CCNY: variants seen among roughly 807,000 people sequenced by gnomAD.
The protein encoded by CCNY is cyclin-Y.
Under a neutral mutation model 42.8 loss-of-function variants are expected in CCNY, and 19 were observed. That is an observed-to-expected ratio of 0.44 (90% confidence interval 0.31 to 0.65). The LOEUF is 0.65. Among genes scored for constraint, CCNY ranks in the 30% least tolerant of loss-of-function variants. CCNY has a pLI of 0.07. For missense variants in CCNY, 370 were observed against 437.3 expected, an observed-to-expected ratio of 0.85 and a Z score of 1.37; for synonymous variants, 165 against 162.7, an observed-to-expected ratio of 1.01 and a Z score of -0.11.
intron 8 of CCNY, among the ~76,000 whole-genome samples, chr10:35,556,086 G>T (rs1841357493): frequency 2.0e-5 from 3 of 152,098 alleles, no homozygotes; most frequent in Admixed American, 2.0e-4. Context: ...TTTTTTGAAA[G>T]CTGTTGGTGC....
chr10:35,526,174 C>T (rs1204012923), intron 5 of CCNY, among the ~76,000 whole-genome samples, 175 bp downstream of exon 5: 2 of 152,196 alleles, frequency 1.3e-5, no homozygotes, highest in Non-Finnish European at 2.9e-5. Context: ...TGCTGAACTG[C>T]TTTAGAATCA....
intron 3 of CCNY, among the ~76,000 whole-genome samples, chr10:35,328,506 G>A (rs1312718904): frequency 1.3e-5 from 2 of 152,156 alleles, no homozygotes; most frequent in Admixed American, 6.5e-5. Context: ...AGGAAATGCA[G>A]GATAGTAACT....
chr10:35,552,561 G>A (rs1394148206), intron 7 of CCNY, among the ~76,000 whole-genome samples: 1 of 152,100 alleles, frequency 6.6e-6, no homozygotes, highest in Non-Finnish European at 1.5e-5. Flanking sequence ...ATTACATGTT[G>A]TGTATATTTT....
At chr10:35,263,356 C>CAAAAAAAA (rs71523372) in intron 3 of CCNY, among the ~76,000 whole-genome samples, 5 of 44,290 alleles carry the variant, frequency 1.1e-4, no homozygotes, top group Non-Finnish European at 2.1e-4. Flanking sequence ...GACTCCGTCT[C>CAAAAAAAA]AAAAAAAAAA....
intron 1 of CCNY, among the ~76,000 whole-genome samples, chr10:35,343,649 C>T (rs1836236655): frequency 6.6e-6 from 1 of 152,150 alleles, no homozygotes; most frequent in African/African-American, 2.4e-5. Flanking sequence ...CTCTGCCTCC[C>T]AAAATGCTGG....
Position 35,276,037 on chromosome 10 carries a change from G to C in CCNY, c.-9+25411G>C, listed in dbSNP as rs908055979. Among the ~76,000 whole-genome samples the C allele has an allele frequency of 2.6e-5, 4 of 152,206 alleles. No individual in the cohort carries two copies. The East Asian group carries it at 7.7e-4, about 29-fold the overall frequency. On this transcript the variant is annotated intron_variant, in intron 3 of 11. Transcript: ENST00000374706. ...GCCATAGTTCTTTGCAGAAGGACTGGGGAATCACTGCTAAATACATTTGTC... is the reference window on the plus strand; with the variant it reads ...GCCATAGTTCTTTGCAGAAGGACTGCGGAATCACTGCTAAATACATTTGTC...
intron 1 of CCNY, among the ~76,000 whole-genome samples, chr10:35,370,374 A>G (rs1836904578): frequency 6.6e-6 from 1 of 151,866 alleles, no homozygotes; most frequent in African/African-American, 2.4e-5. Flanking sequence ...GATGGTCTTG[A>G]TCTCCTGACC....
At chr10:35,364,805 A>T (rs1335278262) in intron 1 of CCNY, among the ~76,000 whole-genome samples, 3 of 152,178 alleles carry the variant, frequency 2.0e-5, no homozygotes, top group Admixed American at 6.6e-5. Context: ...AAAACCATCT[A>T]TTACAAACCA....
At chr10:35,314,166 T>G (rs917769803) in intron 3 of CCNY, among the ~76,000 whole-genome samples, 4 of 152,088 alleles carry the variant, frequency 2.6e-5, no homozygotes, top group African/African-American at 9.7e-5. Flanking sequence ...TCTCCCTTTA[T>G]GTTAATTAGA....
At chr10:35,550,127 G>A (rs1454513261) in intron 7 of CCNY, among the ~76,000 whole-genome samples, 13 of 48,910 alleles carry the variant, frequency 2.7e-4, no homozygotes, top group Non-Finnish European at 2.6e-4. Flanking sequence ...TACACTGCTT[G>A]TGACCCTGCG....
chr10:35,314,203 ACT>A (rs1835725703), intron 3 of CCNY, among the ~76,000 whole-genome samples: 1 of 152,048 alleles, frequency 6.6e-6, no homozygotes, highest in Non-Finnish European at 1.5e-5. Context: ...CTGTTCTCTC[ACT>A]GCTGATAAAG....
At chr10:35,374,789 GA>G (rs1251786079) in intron 1 of CCNY, among the ~76,000 whole-genome samples, 2 of 152,004 alleles carry the variant, frequency 1.3e-5, no homozygotes, top group African/African-American at 2.4e-5. Flanking sequence ...AAGATAGTGG[GA>G]AAAAAAGGGG....
At chr10:35,361,244 GTA>G (rs1836679259) in intron 1 of CCNY, among the ~76,000 whole-genome samples, 1 of 152,124 alleles carries the variant, frequency 6.6e-6, no homozygotes, top group South Asian at 2.1e-4. Context: ...ACCTGTGGAT[GTA>G]TATTTCTTTC....
At chr10:35,347,321 A>G (rs1005548922) in intron 1 of CCNY, 4 of 317,400 alleles carry the variant, frequency 1.3e-5, no homozygotes, top group African/African-American at 9.0e-5. Context: ...AGCAACTACA[A>G]TCACATCCGT....
Position 35,336,873 on chromosome 10 carries a change from G to C in CCNY, c.-181G>C. On this transcript the variant is annotated 5_prime_UTR_variant, in exon 1 of 10. Transcript: ENST00000374704. ...CGCCGCCGCCGCCGCCGCCCATGGC[G>C]AGGCCCCGCCGCCGCCGCCGCTGCT... 5.9e-6 allele frequency: 1 copy of C among 170,840 alleles called. No individual in the cohort carries two copies. Among genetic ancestry groups the C allele is most frequent in the Non-Finnish European group, 1.1e-5 (1 of 88,586 alleles). 10.6% of individuals were successfully genotyped at this position (170,840 alleles called of 1,614,324 possible). A position where few individuals can be genotyped will look rare whatever the true frequency, so the allele number is the denominator to read the frequency against.
chr10:35,409,799 G>A (rs533414395), intron 1 of CCNY, among the ~76,000 whole-genome samples: 57 of 152,162 alleles, frequency 3.7e-4, no homozygotes, highest in Non-Finnish European at 7.1e-4. Context: ...TTGTTGCCCA[G>A]GCTGGAGTGC....
chr10:35,484,601 C>T (rs1385242914), intron 2 of CCNY, among the ~76,000 whole-genome samples: 1 of 151,652 alleles, frequency 6.6e-6, no homozygotes, highest in Non-Finnish European at 1.5e-5. Flanking sequence ...CATTTTTTTC[C>T]TCTGGTGAAG....
At chr10:35,493,202 CT>C (rs1199132312) in intron 2 of CCNY, among the ~76,000 whole-genome samples, 1 of 152,130 alleles carries the variant, frequency 6.6e-6, no homozygotes, top group Non-Finnish European at 1.5e-5. Context: ...TTCTCCGTAC[CT>C]TTTATCATAT....
intron 3 of CCNY, chr10:35,314,818 C>T (rs1383109056): frequency 6.6e-6 from 1 of 152,174 alleles, no homozygotes; most frequent in Non-Finnish European, 1.5e-5. Flanking sequence ...CGCAGTGGCT[C>T]ATGCCTGTAA....
Sources: gnomAD v4.1 joint callset for allele counts (sites outside exome capture counted in the v4.1 genomes callset) on GRCh38, gnomAD v4.1.1 for gene constraint, MANE v1.5 for transcripts, NCBI Gene and HGNC (gene_info 2026-07-23, HGNC 2026-07-21) for gene names.